Variants in VRK2 observed in about 807,000 individuals in gnomAD.
The protein encoded by VRK2 is serine/threonine-protein kinase VRK2.
In VRK2, 60 loss-of-function variants were observed where a neutral mutation model predicts 57.6. The observed-to-expected ratio is 1.04, with a 90% CI of 0.85 to 1.29. The LOEUF is 1.29. Among genes scored for constraint, VRK2 ranks in the 50% most tolerant of loss-of-function variants. The probability of loss-of-function intolerance (pLI) is 0.00; values close to 1 mark genes in which losing one functional copy is unlikely to be tolerated. For synonymous variants in VRK2, 231 were observed against 199.2 expected (o/e 1.16, Z -1.35); for missense variants, 705 against 588.1 (o/e 1.20, Z -2.06).
intron 12 of VRK2, among the ~76,000 whole-genome samples, chr2:58,148,717 T>A (rs1347438578): frequency 6.6e-6 from 1 of 151,690 alleles, no homozygotes. Context: ...GAGGTGGAGG[T>A]TGAGGTTCTC....
intron 1 of VRK2, among the ~76,000 whole-genome samples, chr2:57,991,888 G>A (rs535785741): frequency 3.3e-5 from 5 of 151,640 alleles, no homozygotes; most frequent in African/African-American, 9.7e-5. Flanking sequence ...AACTCGGGAG[G>A]CGGAGGTTGC....
intron 2 of VRK2, among the ~76,000 whole-genome samples, chr2:58,027,323 A>G (rs1007337392): frequency 6.6e-6 from 1 of 152,164 alleles, no homozygotes; most frequent in Non-Finnish European, 1.5e-5. Context: ...AAGTTTCCAC[A>G]GGTATTCAAA....
intron 8 of VRK2, among the ~76,000 whole-genome samples, chr2:58,131,398 A>G (rs551293671): frequency 8.2e-4 from 124 of 151,880 alleles, no homozygotes; most frequent in African/African-American, 2.7e-3. Context: ...TGCATGACCA[A>G]TGCAGACCCT....
At chr2:58,081,843 G>A (rs1670914041) in intron 2 of VRK2, among the ~76,000 whole-genome samples, 1 of 143,526 alleles carries the variant, frequency 7.0e-6, no homozygotes, top group African/African-American at 2.6e-5. Flanking sequence ...GACAGCAAAA[G>A]CATATACCAT....
rs1676196662 is a variant in VRK2, at chr2:58,054,349, C to T, written c.136+5382C>T. On this transcript the variant is annotated intron_variant, in intron 2 of 12. Transcript: ENST00000340157. ...GCATTTATATATTATGTCTCTTCCACTGGACCTGTTACTATCTTGTAACTG... is the reference window on the plus strand; with the variant it reads ...GCATTTATATATTATGTCTCTTCCATTGGACCTGTTACTATCTTGTAACTG... Among the ~76,000 whole-genome samples, 3 of 151,674 alleles carry T rather than the reference C, an allele frequency of 2.0e-5. No homozygotes were observed. The South Asian group carries it at 6.2e-4, about 31-fold the overall frequency.
chr2:57,991,723 G>A (rs1341814731), intron 1 of VRK2, among the ~76,000 whole-genome samples: 3 of 151,636 alleles, frequency 2.0e-5, no homozygotes, highest in African/African-American at 7.3e-5. Flanking sequence ...GCCGAGGCAG[G>A]CGGATCACGA....
At chr2:58,076,660 A>AT (rs1453347720) in intron 2 of VRK2, among the ~76,000 whole-genome samples, 8 of 150,902 alleles carry the variant, frequency 5.3e-5, no homozygotes, top group Non-Finnish European at 5.9e-5. Context: ...GGAAATTGTC[A>AT]TTTTTTCTAA....
intron 3 of VRK2, among the ~76,000 whole-genome samples, chr2:58,039,189 T>C (rs1363001817): frequency 6.6e-6 from 1 of 152,168 alleles, no homozygotes; most frequent in Admixed American, 6.5e-5. Context: ...TATACCCTCA[T>C]TTTGAAAAGA....
intron 1 of VRK2, among the ~76,000 whole-genome samples, chr2:57,919,985 C>T (rs1670287296): frequency 6.6e-6 from 1 of 152,090 alleles, no homozygotes; most frequent in Non-Finnish European, 1.5e-5. Context: ...AATTAACCAT[C>T]TACTCAGTAG....
intron 1 of VRK2, among the ~76,000 whole-genome samples, chr2:57,974,086 T>C (rs1458696010): frequency 1.3e-5 from 2 of 151,886 alleles, no homozygotes; most frequent in East Asian, 1.9e-4. Context: ...TTAGTGTTTG[T>C]TGCAGATTAA....
intron 1 of VRK2, among the ~76,000 whole-genome samples, chr2:57,911,717 G>T (rs915939839): frequency 6.6e-6 from 1 of 152,142 alleles, no homozygotes; most frequent in Non-Finnish European, 1.5e-5. Context: ...TACATTTATG[G>T]ATATAATTGG....
At chr2:58,037,273 C>T (rs1263327219) in intron 3 of VRK2, among the ~76,000 whole-genome samples, 1 of 152,040 alleles carries the variant, frequency 6.6e-6, no homozygotes, top group Non-Finnish European at 1.5e-5. Flanking sequence ...GCAGGTGTTT[C>T]ATGACTTCCG....
chr2:58,001,693 G>A (rs1021822486), intron 1 of VRK2, among the ~76,000 whole-genome samples: 7 of 151,992 alleles, frequency 4.6e-5, no homozygotes, highest in South Asian at 2.1e-4. Flanking sequence ...GTGGTGTCGC[G>A]CACCTATAAG....
chr2:58,145,658 G>A (rs1031978873), intron 11 of VRK2, among the ~76,000 whole-genome samples: 1 of 151,632 alleles, frequency 6.6e-6, no homozygotes, highest in African/African-American at 2.4e-5. Context: ...AAGTTCTAGG[G>A]TACATGTGCA....
chr2:58,069,709 G>T (rs1012145638), intron 2 of VRK2, among the ~76,000 whole-genome samples: 1 of 152,068 alleles, frequency 6.6e-6, no homozygotes, highest in Non-Finnish European at 1.5e-5. Flanking sequence ...TTGGGTGCTG[G>T]GATGGGAAAG....
intron 7 of VRK2, among the ~76,000 whole-genome samples, chr2:58,114,057 T>C (rs957152271): frequency 5.9e-5 from 9 of 151,980 alleles, no homozygotes; most frequent in East Asian, 1.9e-4. Flanking sequence ...AGGGGTGATA[T>C]TGTGGGGTTG....
upstream of VRK2, chr2:58,046,541 G>C (rs1266739839): frequency 2.0e-6 from 2 of 985,458 alleles, no homozygotes; most frequent in East Asian, 1.1e-4. Flanking sequence ...GTCTGGCGGC[G>C]GTTCTTCGTC....
rs538210757 is a variant in VRK2 at position 57,957,647 on chromosome 2, C to A, written c.-439+49808C>A. 5.6e-4 allele frequency among the ~76,000 whole-genome samples: 77 copies of A among 138,334 alleles called. 1 individual carries two copies. Among genetic ancestry groups the A allele is most frequent in the African/African-American group, 2.0e-3 (71 of 35,696 alleles). 90.8% of individuals were successfully genotyped at this position (138,334 alleles called of 152,430 possible). On this transcript the variant is annotated intron_variant, in intron 1 of 15. Coordinates refer to the VRK2 transcript ENST00000417641. ...ATATTTCTATATATATATATATATCCATATAGATATAGACATAGATATTTG... is the reference window on the plus strand; with the variant it reads ...ATATTTCTATATATATATATATATCAATATAGATATAGACATAGATATTTG...
chr2:57,944,088 A>C lies in VRK2; in HGVS notation c.-439+36249A>C, dbSNP rs1671180773. On this transcript the variant is annotated intron_variant, in intron 1 of 15. Coordinates refer to the VRK2 transcript ENST00000417641. ...CAAACAAACAGAACAACAACAAAAAAAAACCTTTATGAGCTTGAACAAAAT... is the reference window on the plus strand; with the variant it reads ...CAAACAAACAGAACAACAACAAAAACAAACCTTTATGAGCTTGAACAAAAT... 2.6e-5 allele frequency among the ~76,000 whole-genome samples: 4 copies of C among 152,170 alleles called. No individual in the cohort carries two copies. In the South Asian group the frequency reaches 8.3e-4, roughly 32 times the overall value.
Sources: allele counts gnomAD v4.1 joint callset (sites outside exome capture counted in the v4.1 genomes callset), GRCh38; gene constraint gnomAD v4.1.1; transcripts MANE v1.5; gene names NCBI Gene and HGNC (gene_info 2026-07-23, HGNC 2026-07-21).